Variants in RAPH1 observed in about 807,000 individuals in gnomAD.
The protein encoded by RAPH1 is Ras association (RalGDS/AF-6) and pleckstrin homology domains 1.
Under a neutral mutation model 88.1 loss-of-function variants are expected in RAPH1, and 18 were observed. The observed-to-expected ratio is 0.20, with a 90% CI of 0.14 to 0.30. RAPH1 has a LOEUF of 0.30. Among genes scored for constraint, RAPH1 ranks in the 10% least tolerant of loss-of-function variants. The pLI, the probability that RAPH1 is intolerant of heterozygous loss-of-function variation, is 1.00. For synonymous variants in RAPH1, 587 were observed against 559.0 expected (o/e 1.05, Z -0.71); for missense variants, 1,448 against 1,543.2 (o/e 0.94, Z 1.03).
At chr2:203,467,968 CTA>C (rs2098529941) in intron 4 of RAPH1, among the ~76,000 whole-genome samples, 1 of 151,952 alleles carries the variant, frequency 6.6e-6, no homozygotes, top group Non-Finnish European at 1.5e-5. Context: ...TGGGGTTTCA[CTA>C]TGTTAGGCAG....
chr2:203,480,228 G>T (rs1687660781), intron 4 of RAPH1, among the ~76,000 whole-genome samples: 2 of 152,130 alleles, frequency 1.3e-5, no homozygotes, highest in South Asian at 4.1e-4. Flanking sequence ...GAGTCCTTGG[G>T]GTTGGGGTGG....
At chr2:203,468,571 T>C (rs2098530495) in intron 4 of RAPH1, among the ~76,000 whole-genome samples, 1 of 152,194 alleles carries the variant, frequency 6.6e-6, no homozygotes, top group Admixed American at 6.5e-5. Context: ...CTTAACATGA[T>C]TTAGAACTTC....
Position 203,444,875 on chromosome 2 carries a change from G to C in RAPH1, c.1769C>G (p.Ser590Cys), listed in dbSNP as rs755119354. The C allele has an allele frequency of 1.9e-6, 3 of 1,613,618 alleles. No individual in the cohort carries two copies. The highest frequency in any genetic ancestry group is 2.2e-5 in the East Asian group (1 of 44,882). ...TTAAAACGAAGCTGTTACCTTGCTG[G>C]ACTCTTCCAACTGAGTGCCTCGTTT... ...AWKRGTQLEE[S>C]SKARMESMNR... Residue 590 changes from serine to cysteine, a missense_variant, in exon 13 of 14, where the codon TCC (serine) becomes TGC (cysteine). By Grantham distance (112) the Ser-to-Cys change is moderately radical. Around this residue, in one of 2 missense-constraint regions of RAPH1, gnomAD observed 935 missense variants for 890.1 expected, o/e 1.05. Coordinates refer to ENST00000319170, the MANE Select transcript of RAPH1 (RefSeq NM_213589.3).
intron 4 of RAPH1, among the ~76,000 whole-genome samples, chr2:203,462,420 T>C (rs2098524850): frequency 6.6e-6 from 1 of 152,228 alleles, no homozygotes; most frequent in Non-Finnish European, 1.5e-5. Context: ...CCTACCTGTT[T>C]ACAACCATAT....
Position 203,448,129 on chromosome 2 carries a change from A to G in RAPH1, c.1513-50T>C. 6.3e-7 allele frequency: 1 copy of G among 1,579,868 alleles called. No homozygotes were observed. The highest frequency in any genetic ancestry group is 8.6e-7 in the Non-Finnish European group (1 of 1,156,230). Reference sequence around the variant, plus strand: ...ACATCTAAACTTTACTGAGTATGATACAGAAGGATAAGGTGAAATGGGGGA... The same window carrying G: ...ACATCTAAACTTTACTGAGTATGATGCAGAAGGATAAGGTGAAATGGGGGA... On this transcript the variant is annotated intron_variant, in intron 11 of 13. Coordinates refer to ENST00000319170, the MANE Select transcript of RAPH1 (RefSeq NM_213589.3). This position sits in a 1 kb window ranked among gnomAD's most constrained non-coding sequence, Gnocchi z 4.1.
intron 4 of RAPH1, among the ~76,000 whole-genome samples, chr2:203,487,467 G>A (rs932062480): frequency 1.7e-4 from 26 of 151,336 alleles, no homozygotes; most frequent in African/African-American, 6.1e-4. Context: ...TGCAACCTCC[G>A]ACTCCCTGGT....
chr2:203,448,894 C>T lies in RAPH1; in HGVS notation c.1414-58G>A, dbSNP rs2098512318. 8.5e-7 allele frequency: 1 copy of T among 1,170,712 alleles called. No homozygotes were observed. The highest frequency in any genetic ancestry group is 1.3e-6 in the Non-Finnish European group (1 of 799,826). 72.5% of individuals were successfully genotyped at this position (1,170,712 alleles called of 1,614,324 possible). A position where few individuals can be genotyped will look rare whatever the true frequency, so the allele number is the denominator to read the frequency against. Reference sequence around the variant, plus strand: ...CCTTGGAGAACTAAAGAAAAACAAACTTTATCAAAGCTTAAACATATCCTG... The same window carrying T: ...CCTTGGAGAACTAAAGAAAAACAAATTTTATCAAAGCTTAAACATATCCTG... On this transcript the variant is annotated intron_variant, in intron 10 of 13. Coordinates refer to ENST00000319170, the MANE Select transcript of RAPH1 (RefSeq NM_213589.3). This position sits in a 1 kb window ranked among gnomAD's most constrained non-coding sequence, Gnocchi z 4.1.
At chr2:203,500,697 C>T (rs536916417) in intron 1 of RAPH1, among the ~76,000 whole-genome samples, 7 of 152,274 alleles carry the variant, frequency 4.6e-5, no homozygotes, top group Admixed American at 1.3e-4. Flanking sequence ...TTAATAATTA[C>T]TGGGAGCTCT....
At chr2:203,470,934 G>A (rs1052158094) in intron 4 of RAPH1, among the ~76,000 whole-genome samples, 1 of 152,188 alleles carries the variant, frequency 6.6e-6, no homozygotes, top group Admixed American at 6.5e-5. Context: ...AATTTGCAGA[G>A]CAAATGAATG....
intron 1 of RAPH1, among the ~76,000 whole-genome samples, chr2:203,524,973 T>C (rs1690048065): frequency 6.6e-6 from 1 of 152,240 alleles, no homozygotes; most frequent in Non-Finnish European, 1.5e-5. Context: ...TCTGATTATG[T>C]ATTGTTCTTC....
chr2:203,455,604 A>C (rs1212608796), intron 8 of RAPH1, 24 bp from the exon 9 acceptor site: 4 of 1,607,570 alleles, frequency 2.5e-6, no homozygotes, highest in Non-Finnish European at 2.6e-6. Flanking sequence ...ATTATTTGCA[A>C]AGACTTATGA....
chr2:203,520,306 T>G (rs1334523209), intron 1 of RAPH1, among the ~76,000 whole-genome samples: 2 of 146,800 alleles, frequency 1.4e-5, no homozygotes, highest in African/African-American at 5.1e-5. Flanking sequence ...TACTCCAGCC[T>G]GGGTGACAAA....
chr2:203,506,772 A>ATATC (rs1173002797), intron 1 of RAPH1, among the ~76,000 whole-genome samples: 23 of 120,878 alleles, frequency 1.9e-4, no homozygotes, highest in Non-Finnish European at 3.8e-4. Flanking sequence ...ATATATATCT[A>ATATC]TATATATCTA....
At chr2:203,442,222 T>C in intron 13 of RAPH1, 1 of 841,058 alleles carries the variant, frequency 1.2e-6, no homozygotes, top group Non-Finnish European at 1.7e-6. Context: ...GCAGCTAGCA[T>C]TTGCCAACAA....
chr2:203,489,538 T>C (rs1313016779), intron 4 of RAPH1, 46 bp downstream of exon 4: 1 of 1,343,460 alleles, frequency 7.4e-7, no homozygotes, highest in East Asian at 2.4e-5. Flanking sequence ...TAATTTCTCC[T>C]TTATTTTAAT....
intron 4 of RAPH1, among the ~76,000 whole-genome samples, chr2:203,484,240 TTTA>T (rs1687864529): frequency 1.3e-5 from 2 of 152,184 alleles, no homozygotes; most frequent in Non-Finnish European, 2.9e-5. Context: ...TTTCTTGATC[TTTA>T]TTAGAAACTT....
intron 1 of RAPH1, among the ~76,000 whole-genome samples, chr2:203,510,655 C>G (rs1291313440): frequency 6.6e-6 from 1 of 151,810 alleles, no homozygotes; most frequent in Non-Finnish European, 1.5e-5. Context: ...TAGATATAAA[C>G]CAATAGGGAG....
chr2:203,513,837 G>GAA (rs564098428), intron 1 of RAPH1, among the ~76,000 whole-genome samples: 29 of 118,070 alleles, frequency 2.5e-4, no homozygotes, highest in Admixed American at 5.2e-4. Context: ...TCAGTCTCAA[G>GAA]AAAAAAAAAA....
chr2:203,499,795 T>A (rs140415948), intron 1 of RAPH1, among the ~76,000 whole-genome samples: 31 of 152,276 alleles, frequency 2.0e-4, no homozygotes, highest in Non-Finnish European at 2.9e-4. Flanking sequence ...GAATTCACAC[T>A]CTAAAACCAC....
Sources: gnomAD v4.1 joint callset for allele counts (sites outside exome capture counted in the v4.1 genomes callset) on GRCh38, gnomAD v4.1.1 for gene constraint, gnomAD v4.1.1 regional missense constraint, Gnocchi (gnomAD v3.1) non-coding constraint, MANE v1.5 for transcripts, NCBI Gene and HGNC (gene_info 2026-07-23, HGNC 2026-07-21) for gene names.